The following COX6C variants were observed in gnomAD, a reference collection of about 807,000 sequenced individuals.
The protein encoded by COX6C is cytochrome c oxidase polypeptide VIc.
In COX6C, 3 loss-of-function variants were observed where a neutral mutation model predicts 6.9. That is an observed-to-expected ratio of 0.43 (90% CI 0.20 to 1.12). The LOEUF (loss-of-function observed/expected upper bound fraction) is 1.12. Among genes scored for constraint, COX6C ranks in the 50% most tolerant of loss-of-function variants. The pLI, the probability that COX6C is intolerant of heterozygous loss-of-function variation, is 0.27. For synonymous variants in COX6C, 32 were observed against 32.0 expected, an observed-to-expected ratio of 1.00 and a Z score of 0.00; for missense variants, 101 against 97.3, an observed-to-expected ratio of 1.04 and a Z score of -0.16.
At chr8:99,893,316 C>G (rs1818085833) in intron 1 of COX6C, 1 of 152,326 alleles carries the variant, frequency 6.6e-6, no homozygotes, top group African/African-American at 2.4e-5. Context: ...CAAATGACCT[C>G]ACCAAGGTCA....
intron 3 of COX6C, among the ~76,000 whole-genome samples, chr8:99,882,960 ATTTT>A (rs201278066): frequency 2.6e-5 from 4 of 151,564 alleles, no homozygotes; most frequent in African/African-American, 9.7e-5. Flanking sequence ...TATTTTTTGT[ATTTT>A]TTTTGTAGAG....
chr8:99,889,635 G>T (rs888026104), intron 2 of COX6C, among the ~76,000 whole-genome samples: 30 of 151,246 alleles, frequency 2.0e-4, no homozygotes, highest in Non-Finnish European at 3.1e-4. Flanking sequence ...TGATCTGCCC[G>T]CCTCAGCCTC....
At chr8:99,890,764 G>A (rs561637731) in intron 2 of COX6C, among the ~76,000 whole-genome samples, 22 of 152,184 alleles carry the variant, frequency 1.4e-4, no homozygotes, top group African/African-American at 5.3e-4. Flanking sequence ...CGGAAAAGTT[G>A]TAAATGTGCA....
At position 99,887,084 on chromosome 8, in the gene COX6C, T is replaced by A. The variant is rs745694380; in HGVS notation, c.*15+406A>T. On this transcript the variant is annotated intron_variant, in intron 3 of 3. Coordinates refer to ENST00000520468, the MANE Select transcript of COX6C (RefSeq NM_004374.4). The stretch of plus-strand genomic sequence containing the variant: ...TGAAAATGCATTTAATACACCTAAC[T>A]TACATCATAGCTTAGCCTTCCCTAC... 29 of 152,944 alleles carry A rather than the reference T, an allele frequency of 1.9e-4. 1 individual carries two copies. Among genetic ancestry groups the A allele is most frequent in the Non-Finnish European group, 7.3e-5 (5 of 68,560 alleles). The allele number at this position is 152,944 out of a possible 1,614,324, so 9.5% of individuals were successfully genotyped here. A position where few individuals can be genotyped will look rare whatever the true frequency, so the allele number is the denominator to read the frequency against.
chr8:99,890,992 A>T (rs1335682327), intron 2 of COX6C, among the ~76,000 whole-genome samples: 1 of 152,254 alleles, frequency 6.6e-6, no homozygotes, highest in Non-Finnish European at 1.5e-5. Flanking sequence ...TAGGCATTAT[A>T]AGTAGTCCAG....
intron 2 of COX6C, among the ~76,000 whole-genome samples, chr8:99,889,839 C>T (rs1231088757): frequency 1.3e-5 from 2 of 151,632 alleles, no homozygotes; most frequent in Non-Finnish European, 2.9e-5. Context: ...GCCTATAATC[C>T]CAGCACTTTG....
At chr8:99,880,473 G>GT (rs1249902064) in intron 3 of COX6C, among the ~76,000 whole-genome samples, 1 of 152,138 alleles carries the variant, frequency 6.6e-6, no homozygotes, top group African/African-American at 2.4e-5. Context: ...GAAAAATGTA[G>GT]TAACTGAATG....
intron 3 of COX6C, among the ~76,000 whole-genome samples, chr8:99,883,067 C>A (rs1817889523): frequency 6.6e-6 from 1 of 152,026 alleles, no homozygotes. Context: ...GGATTACAGG[C>A]CTTATGAGCT....
intron 2 of COX6C, 113 bp from the exon 3 acceptor site, chr8:99,887,731 A>T: frequency 1.5e-6 from 1 of 650,720 alleles, no homozygotes; most frequent in East Asian, 3.1e-5. Flanking sequence ...CCTTTAATTT[A>T]AACCCTACAT....
chr8:99,892,376 A>G (rs182668850), intron 1 of COX6C, among the ~76,000 whole-genome samples: 1 of 152,244 alleles, frequency 6.6e-6, no homozygotes, highest in Non-Finnish European at 1.5e-5. Context: ...TAAGCTATTG[A>G]CTGACTAAAC....
At chr8:99,885,804 T>C (rs1182762619) in intron 3 of COX6C, among the ~76,000 whole-genome samples, 1 of 152,168 alleles carries the variant, frequency 6.6e-6, no homozygotes, top group Non-Finnish European at 1.5e-5. Flanking sequence ...AAAATTTCTG[T>C]GCATCAAGGG....
At chr8:99,885,020 C>T (rs74878727) in intron 3 of COX6C, among the ~76,000 whole-genome samples, 6,461 of 152,198 alleles carry the variant, frequency 0.042, 194 homozygotes, top group Non-Finnish European at 0.063. Flanking sequence ...TCTTAAGGAA[C>T]CACAAATAGC....
At chr8:99,891,881 T>G in intron 2 of COX6C, 27 bp downstream of exon 2, 3 of 1,593,642 alleles carry the variant, frequency 1.9e-6, no homozygotes, top group Non-Finnish European at 2.6e-6. Flanking sequence ...TTTATGACCT[T>G]CGGCACAAAG....
chr8:99,889,046 C>T (rs988297348), intron 2 of COX6C, among the ~76,000 whole-genome samples: 1 of 152,210 alleles, frequency 6.6e-6, no homozygotes, highest in African/African-American at 2.4e-5. Context: ...TTCAATGTTT[C>T]CATGTGCCTA....
chr8:99,889,622 A>C (rs2131010279), intron 2 of COX6C, among the ~76,000 whole-genome samples: 1 of 151,506 alleles, frequency 6.6e-6, no homozygotes, highest in Admixed American at 6.6e-5. Context: ...TCCTGACCTC[A>C]GGTGATCTGC....
chr8:99,883,393 CTG>C (rs1313986934), intron 3 of COX6C, among the ~76,000 whole-genome samples: 6 of 149,180 alleles, frequency 4.0e-5, no homozygotes, highest in Non-Finnish European at 5.9e-5. Flanking sequence ...ATATATATAT[CTG>C]TGTGTGTGTA....
rs946104583 is a variant in COX6C at position 99,878,499 on chromosome 8, A to G, written c.*16-234T>C. On this transcript the variant is annotated intron_variant, in intron 3 of 3. Coordinates refer to ENST00000520468, the MANE Select transcript of COX6C (RefSeq NM_004374.4). ...GCCTCTTTTCCATTTTGGGCATACCACACCTTACTCTCATTGCTTGTGTGC... is the reference window on the plus strand; with the variant it reads ...GCCTCTTTTCCATTTTGGGCATACCGCACCTTACTCTCATTGCTTGTGTGC... The G allele has an allele frequency of 5.9e-4, 89 of 151,968 alleles. 3 individuals carry two copies. The highest frequency in any genetic ancestry group is 6.6e-5 in the Admixed American group (1 of 15,248). 9.4% of individuals were successfully genotyped at this position (151,968 alleles called of 1,614,324 possible). A position where few individuals can be genotyped will look rare whatever the true frequency, so the allele number is the denominator to read the frequency against.
rs1817963449 is a variant in COX6C at position 99,887,574 on chromosome 8, G to C, written c.159C>G (p.Tyr53Ter). ...AATCTTTCATGACATCGTAGTTTCT[G>C]TAGAAATCTGCGTATGCCTTCTTTC... Reference protein sequence around the residue: ...DQRKKAYADFYRNYDVMKDFE... With the variant: ...DQRKKAYADF The change falls in exon 3 of 4, where the codon TAC becomes TAG. Residue 53 changes from tyrosine (Y) to a stop codon, truncating the protein, a stop_gained. Transcript: ENST00000520468. LOFTEE classifies it high-confidence loss of function. The C allele has an allele frequency of 6.2e-7, 1 of 1,610,312 alleles. No homozygotes were observed. Among genetic ancestry groups the C allele is most frequent in the Admixed American group, 1.7e-5 (1 of 59,274 alleles).
chr8:99,881,366 A>T (rs1286826514), intron 3 of COX6C, among the ~76,000 whole-genome samples: 1 of 152,136 alleles, frequency 6.6e-6, no homozygotes, highest in Non-Finnish European at 1.5e-5. Context: ...TCTCTTAAAA[A>T]AAAAAAAAAA....
Sources: allele counts gnomAD v4.1 joint callset (sites outside exome capture counted in the v4.1 genomes callset), GRCh38; gene constraint gnomAD v4.1.1; transcripts MANE v1.5; gene names NCBI Gene and HGNC (gene_info 2026-07-23, HGNC 2026-07-21).